IREB2: variants seen among roughly 807,000 people sequenced by gnomAD.
IREB2 encodes iron-responsive element-binding protein 2.
Under a neutral mutation model 118.8 loss-of-function variants are expected in IREB2, and 39 were observed. The ratio of observed to expected loss-of-function variants is 0.33; its 90% confidence interval spans 0.25 to 0.43. The LOEUF is 0.43. IREB2 is among the 20% of genes least tolerant of loss of function. IREB2 has a pLI of 1.00. For synonymous variants in IREB2, 372 were observed against 392.2 expected, an observed-to-expected ratio of 0.95 and a Z score of 0.61; for missense variants, 900 against 1,147.3, an observed-to-expected ratio of 0.78 and a Z score of 3.11.
chr15:78,483,934 A>G (rs1414321891), intron 11 of IREB2, among the ~76,000 whole-genome samples: 1 of 151,864 alleles, frequency 6.6e-6, no homozygotes, highest in Non-Finnish European at 1.5e-5. Context: ...ACAGGAGTCT[A>G]CCATCATTCC....
chr15:78,488,069 T>G (rs2051690364), intron 14 of IREB2, 111 bp from the exon 15 acceptor site: 2 of 982,890 alleles, frequency 2.0e-6, no homozygotes, highest in African/African-American at 3.3e-5. Context: ...TAGTAATATG[T>G]TTTTTGGTTA....
At chr15:78,486,672 G>A (rs1458823447) in intron 13 of IREB2, among the ~76,000 whole-genome samples, 1 of 152,134 alleles carries the variant, frequency 6.6e-6, no homozygotes, top group Admixed American at 6.5e-5. Context: ...TAGTTGTGTG[G>A]GGATTTTTTG....
chr15:78,495,667 C>A (rs2141531933), intron 20 of IREB2, among the ~76,000 whole-genome samples: 1 of 152,210 alleles, frequency 6.6e-6, no homozygotes, highest in Non-Finnish European at 1.5e-5. Context: ...AATGTATTCT[C>A]TTCCTTATTT....
Position 78,499,563 on chromosome 15 carries a change from A to G in IREB2, c.*1420A>G, listed in dbSNP as rs975182338. The G allele has an allele frequency of 1.3e-5, 2 of 152,260 alleles. No individual in the cohort carries two copies. The highest frequency in any genetic ancestry group is 2.9e-5 in the Non-Finnish European group (2 of 68,046). The allele number at this position is 152,260 out of a possible 1,614,324, so 9.4% of individuals were successfully genotyped here. On this transcript the variant is annotated 3_prime_UTR_variant, in exon 22 of 22. Transcript: ENST00000258886. ...ATGAAGACCACTAAGAACTTTGCAC[A>G]TAATCATACAATCTTTTGAAAATAT... is the stretch of plus-strand genomic sequence containing the variant.
chr15:78,490,854 T>C, intron 18 of IREB2, 93 bp downstream of exon 18: 1 of 1,203,570 alleles, frequency 8.3e-7, no homozygotes, highest in African/African-American at 1.5e-5. Context: ...TTCCAGTAAA[T>C]ACATGCTATC....
intron 9 of IREB2, among the ~76,000 whole-genome samples, chr15:78,478,054 C>T (rs529823748): frequency 4.6e-4 from 69 of 150,974 alleles, no homozygotes; most frequent in Non-Finnish European, 2.8e-4. Flanking sequence ...AAGACCCTCC[C>T]GCCACCCCAT....
At chr15:78,451,749 G>A (rs981529210) in intron 2 of IREB2, among the ~76,000 whole-genome samples, 12 of 151,996 alleles carry the variant, frequency 7.9e-5, no homozygotes, top group African/African-American at 2.9e-4. Context: ...GAGTGCAATG[G>A]CACAATCTTG....
intron 1 of IREB2, among the ~76,000 whole-genome samples, chr15:78,439,280 T>G (rs973119433): frequency 1.3e-5 from 2 of 152,212 alleles, no homozygotes; most frequent in African/African-American, 4.8e-5. Context: ...CTGAGAAGTT[T>G]TTTTGTTTTG....
intron 18 of IREB2, among the ~76,000 whole-genome samples, chr15:78,491,551 G>C (rs1005286513): frequency 1.6e-4 from 24 of 152,126 alleles, no homozygotes; most frequent in African/African-American, 5.8e-4. Context: ...AGGCTGGAGT[G>C]CAGTGGTGTG....
chr15:78,438,088 T>A (rs2050780085), upstream of IREB2: 1 of 481,376 alleles, frequency 2.1e-6, no homozygotes, highest in African/African-American at 2.0e-5. Flanking sequence ...GCGCGAGAAA[T>A]CGCTTTCTGG....
rs888134718 is a variant in IREB2 at position 78,500,625 on chromosome 15, G to A, written c.*2482G>A. 1 of 151,448 alleles carries A rather than the reference G, an allele frequency of 6.6e-6. No individual in the cohort carries two copies. The highest frequency in any genetic ancestry group is 1.5e-5 in the Non-Finnish European group (1 of 67,948). The allele number at this position is 151,448 out of a possible 1,614,324, so 9.4% of individuals were successfully genotyped here. ...GTAAGCTTAAAGTACAATTTCAAAGGTCACTACCAACAGCAGGGTTTTTTT... is the reference window on the plus strand; with the variant it reads ...GTAAGCTTAAAGTACAATTTCAAAGATCACTACCAACAGCAGGGTTTTTTT... On this transcript the variant is annotated 3_prime_UTR_variant, in exon 22 of 22. Transcript: ENST00000258886.
chr15:78,452,665 G>A (rs987886131), intron 2 of IREB2, among the ~76,000 whole-genome samples: 4 of 152,154 alleles, frequency 2.6e-5, no homozygotes, highest in Non-Finnish European at 5.9e-5. Flanking sequence ...TCAGCACTTT[G>A]GGAGGCTGAG....
At chr15:78,464,948 G>A (rs1011247097) in intron 3 of IREB2, among the ~76,000 whole-genome samples, 5 of 152,184 alleles carry the variant, frequency 3.3e-5, no homozygotes, top group African/African-American at 1.2e-4. Flanking sequence ...AGGGAAAGGG[G>A]AAGGTGCATC....
intron 4 of IREB2, 54 bp downstream of exon 4, chr15:78,465,442 G>A: frequency 1.4e-6 from 2 of 1,476,932 alleles, no homozygotes; most frequent in Non-Finnish European, 1.9e-6. Flanking sequence ...GGCTGGAAAT[G>A]TGTCATGTAG....
chr15:78,445,148 T>A lies in IREB2; in HGVS notation c.106+5267T>A, dbSNP rs548251399. ...GGTTCCAGTCTTTATTTTTTTTTTTTTTTTTTTGAGACAGAGTCTTGCTGT... is the reference window on the plus strand; with the variant it reads ...GGTTCCAGTCTTTATTTTTTTTTTTATTTTTTTGAGACAGAGTCTTGCTGT... On this transcript the variant is annotated intron_variant, in intron 2 of 21. Coordinates refer to ENST00000258886, the MANE Select transcript of IREB2 (RefSeq NM_004136.4). 1.0e-3 allele frequency among the ~76,000 whole-genome samples: 156 copies of A among 151,776 alleles called. 1 individual carries two copies. Among genetic ancestry groups the A allele is most frequent in the Non-Finnish European group, 1.7e-3 (114 of 67,834 alleles).
chr15:78,438,218 G>T lies in IREB2; in HGVS notation c.-120G>T. The T allele has an allele frequency of 3.8e-6, 3 of 783,332 alleles. No homozygotes were observed. The highest frequency in any genetic ancestry group is 6.6e-6 in the Non-Finnish European group (3 of 453,220). The allele number at this position is 783,332 out of a possible 1,614,324, so 48.5% of individuals were successfully genotyped here. ...TGCTGCTCTCGCGATATTTGCGCGA[G>T]CCTGCTTCCTTCTTTCCTCCCTTGC... On this transcript the variant is annotated 5_prime_UTR_variant, in exon 1 of 22. Coordinates refer to ENST00000258886, the MANE Select transcript of IREB2 (RefSeq NM_004136.4).
intron 2 of IREB2, among the ~76,000 whole-genome samples, chr15:78,440,996 A>G (rs182329601): frequency 6.6e-6 from 1 of 152,322 alleles, no homozygotes; most frequent in East Asian, 1.9e-4. Flanking sequence ...TTTCCATGAC[A>G]ATGACATGAA....
Position 78,484,880 on chromosome 15 carries a change from T to A in IREB2, c.1533T>A (p.Ser511Arg). Residue 511 changes from serine (S) to arginine (R), a missense_variant, in exon 12 of 22, where the codon AGT (serine) becomes AGA (arginine). Physicochemically the swap from Ser to Arg is moderately radical, Grantham distance 110 (BLOSUM62 -1). Coordinates refer to ENST00000258886, the MANE Select transcript of IREB2 (RefSeq NM_004136.4). ...HGSVVIAAVISCTNNCNPSVM... is the reference protein window; with the variant it reads ...HGSVVIAAVIRCTNNCNPSVM... ...CAGTGGTCATTGCTGCAGTTATCAG[T>A]TGTACCAATAATTGCAATCCATCTG... The A allele has an allele frequency of 6.2e-7, 1 of 1,614,010 alleles. No individual in the cohort carries two copies. The highest frequency in any genetic ancestry group is 1.3e-5 in the African/African-American group (1 of 75,068).
intron 14 of IREB2, 78 bp from the exon 15 acceptor site, chr15:78,488,102 T>C (rs1238138319): frequency 7.3e-7 from 1 of 1,361,576 alleles, no homozygotes; most frequent in African/African-American, 1.5e-5. Flanking sequence ...GACTTTAAGA[T>C]TGCTTATATA....
Sources: gnomAD v4.1 joint callset for allele counts (sites outside exome capture counted in the v4.1 genomes callset) on GRCh38, gnomAD v4.1.1 for gene constraint, MANE v1.5 for transcripts, NCBI Gene and HGNC (gene_info 2026-07-23, HGNC 2026-07-21) for gene names.